ALG8: variants seen among roughly 807,000 people sequenced by gnomAD.
ALG8 encodes the protein ALG8 alpha-1,3-glucosyltransferase, also known as dolichyl pyrophosphate Glc1Man9GlcNAc2 alpha-1,3-glucosyltransferase.
ALG8 carries 48 observed loss-of-function variants against 70.2 expected under a neutral mutation model. The ratio of observed to expected loss-of-function variants is 0.68; its 90% CI spans 0.54 to 0.87. ALG8 has a LOEUF of 0.87. Among genes scored for constraint, ALG8 ranks in the 40% least tolerant of loss-of-function variants. The pLI is 0.00. For missense variants in ALG8, 572 were observed against 608.7 expected (o/e 0.94, Z 0.64); for synonymous variants, 234 against 229.0 (o/e 1.02, Z -0.20).
intron 8 of ALG8, chr11:78,112,374 A>C: frequency 2.7e-6 from 1 of 375,336 alleles, no homozygotes; most frequent in Non-Finnish European, 5.1e-6. Context: ...TAAGGCAAAA[A>C]TTACCTTTAT....
chr11:78,134,691 A>G (rs1167316050), intron 1 of ALG8, among the ~76,000 whole-genome samples: 1 of 152,228 alleles, frequency 6.6e-6, no homozygotes, highest in Admixed American at 6.5e-5. Flanking sequence ...AGTGCATCTC[A>G]AAAGAAACCA....
intron 1 of ALG8, chr11:78,133,425 T>C (rs970585811): frequency 8.5e-5 from 13 of 152,214 alleles, no homozygotes; most frequent in African/African-American, 2.9e-4. Context: ...TTTTTAAATA[T>C]ATGAAGTGTT....
At chr11:78,103,920 A>G (rs1230741434) in intron 12 of ALG8, 60 bp downstream of exon 12, 1 of 927,586 alleles carries the variant, frequency 1.1e-6, no homozygotes, top group Non-Finnish European at 1.7e-6. Context: ...AGCTTATTTG[A>G]CCACTTAGGT....
intron 10 of ALG8, among the ~76,000 whole-genome samples, chr11:78,105,599 T>C (rs1368878162): frequency 2.0e-5 from 3 of 150,738 alleles, no homozygotes; most frequent in African/African-American, 7.3e-5. Flanking sequence ...TGCCCAGTAG[T>C]TTGAGACCAG....
At chr11:78,101,274 C>A in intron 12 of ALG8, 79 bp from the exon 13 acceptor site, 1 of 1,155,436 alleles carries the variant, frequency 8.7e-7, no homozygotes. Flanking sequence ...TAAAGCTTCC[C>A]CATCTGCACT....
intron 5 of ALG8, 177 bp from the exon 6 acceptor site, chr11:78,114,569 G>C (rs1860470618): frequency 4.0e-6 from 3 of 744,980 alleles, no homozygotes; most frequent in Non-Finnish European, 6.8e-6. Flanking sequence ...GTTATGTAAG[G>C]TGGTAATGGG....
At chr11:78,132,979 C>G (rs533601509) in intron 1 of ALG8, among the ~76,000 whole-genome samples, 5 of 151,692 alleles carry the variant, frequency 3.3e-5, no homozygotes, top group African/African-American at 9.7e-5. Context: ...TGGGACTACA[C>G]GCGCCCACCA....
chr11:78,110,695 T>C (rs1025964140), intron 8 of ALG8, among the ~76,000 whole-genome samples: 15 of 152,150 alleles, frequency 9.9e-5, no homozygotes, highest in African/African-American at 3.6e-4. Context: ...CTCTGGCTAA[T>C]AGGACAGTCA....
chr11:78,110,583 AATG>A (rs1471812316), intron 8 of ALG8, among the ~76,000 whole-genome samples: 2 of 152,192 alleles, frequency 1.3e-5, no homozygotes, highest in South Asian at 4.1e-4. Context: ...TGAAGGCAGG[AATG>A]ATGATGAGTT....
chr11:78,109,757 A>C (rs1860198613), intron 8 of ALG8, among the ~76,000 whole-genome samples, 176 bp from the exon 9 acceptor site: 1 of 152,182 alleles, frequency 6.6e-6, no homozygotes, highest in Non-Finnish European at 1.5e-5. Context: ...CTCTGGTCTT[A>C]AGATTATAAT....
intron 9 of ALG8, among the ~76,000 whole-genome samples, chr11:78,108,926 A>T (rs759257219): frequency 3.3e-5 from 5 of 152,366 alleles, no homozygotes; most frequent in South Asian, 4.1e-4. Flanking sequence ...TTAGAAATTA[A>T]AGTTTCTAAA....
At chr11:78,136,967 T>C (rs1169051054) in intron 1 of ALG8, among the ~76,000 whole-genome samples, 3 of 151,910 alleles carry the variant, frequency 2.0e-5, no homozygotes, top group Admixed American at 1.3e-4. Flanking sequence ...AATAGCGCGA[T>C]CTCAGCTCAC....
intron 4 of ALG8, 118 bp downstream of exon 4, chr11:78,120,947 C>G (rs1274053150): frequency 1.0e-6 from 1 of 959,816 alleles, no homozygotes; most frequent in African/African-American, 1.6e-5. Flanking sequence ...TACTAACCCA[C>G]CCCACACTCA....
At chr11:78,109,191 C>CCTTCCCCCGGGTG (rs1366242210) in intron 9 of ALG8, among the ~76,000 whole-genome samples, 1 of 152,098 alleles carries the variant, frequency 6.6e-6, no homozygotes, top group African/African-American at 2.4e-5. Flanking sequence ...TTTCTTTTTC[C>CCTTCCCCCGGGTG]CTTCCCCCGG....
At chr11:78,119,094 A>G in intron 5 of ALG8, 88 bp downstream of exon 5, 1 of 1,021,944 alleles carries the variant, frequency 9.8e-7, no homozygotes, top group Non-Finnish European at 1.5e-6. Context: ...CAGTCAAATA[A>G]ATTTACCTAT....
chr11:78,107,283 C>T (rs1860084002), intron 9 of ALG8, among the ~76,000 whole-genome samples: 1 of 148,162 alleles, frequency 6.7e-6, no homozygotes, highest in Non-Finnish European at 1.5e-5. Flanking sequence ...TGCAGTGGTG[C>T]GATCTCGGCT....
At chr11:78,130,027 A>G (rs1451538797) in intron 1 of ALG8, among the ~76,000 whole-genome samples, 1 of 152,190 alleles carries the variant, frequency 6.6e-6, no homozygotes, top group African/African-American at 2.4e-5. Flanking sequence ...CAAAAATTCA[A>G]AAACAGGCAA....
At chr11:78,109,090 G>A (rs1403458789) in intron 9 of ALG8, among the ~76,000 whole-genome samples, 1 of 152,078 alleles carries the variant, frequency 6.6e-6, no homozygotes, top group African/African-American at 2.4e-5. Flanking sequence ...TTTAGCTAAC[G>A]GTGAGAAAAA....
At chr11:78,120,720 G>A (rs972868624) in intron 4 of ALG8, among the ~76,000 whole-genome samples, 2 of 152,178 alleles carry the variant, frequency 1.3e-5, no homozygotes, top group Admixed American at 6.5e-5. Context: ...CACGCACACT[G>A]TGATATGCCT....
Sources: gnomAD v4.1 joint callset for allele counts (sites outside exome capture counted in the v4.1 genomes callset) on GRCh38, gnomAD v4.1.1 for gene constraint, MANE v1.5 for transcripts, NCBI Gene and HGNC (gene_info 2026-07-23, HGNC 2026-07-21) for gene names.